BAIAP2L1: variants seen among roughly 807,000 people sequenced by gnomAD.
BAIAP2L1 encodes BAR/IMD domain containing adaptor protein 2 like 1.
A neutral mutation model predicts 66.3 loss-of-function variants in BAIAP2L1; 35 were observed. The ratio of observed to expected loss-of-function variants is 0.53; its 90% CI spans 0.40 to 0.70. BAIAP2L1 has a LOEUF of 0.70. Among genes scored for constraint, BAIAP2L1 ranks in the 30% least tolerant of loss-of-function variants. The pLI, the probability that BAIAP2L1 is intolerant of heterozygous loss-of-function variation, is 0.00. For missense variants in BAIAP2L1, 622 were observed against 656.9 expected, an observed-to-expected ratio of 0.95 and a Z score of 0.58; for synonymous variants, 269 against 248.7, an observed-to-expected ratio of 1.08 and a Z score of -0.77.
At chr7:98,394,971 C>T (rs1362446779) in intron 1 of BAIAP2L1, among the ~76,000 whole-genome samples, 2 of 150,952 alleles carry the variant, frequency 1.3e-5, no homozygotes, top group Admixed American at 6.6e-5. Context: ...AATTAGCCAG[C>T]GTGGTGGCAG....
At chr7:98,338,352 G>T (rs537541059) in intron 3 of BAIAP2L1, among the ~76,000 whole-genome samples, 2 of 149,578 alleles carry the variant, frequency 1.3e-5, no homozygotes, top group Non-Finnish European at 3.0e-5. Flanking sequence ...AACCTGGGAG[G>T]CGGAGCTTGC....
chr7:98,320,315 A>G lies in BAIAP2L1; in HGVS notation c.215-17T>C. On this transcript the variant is annotated splice_polypyrimidine_tract_variant and intron_variant, in intron 3 of 13. Coordinates refer to ENST00000005260, the MANE Select transcript of BAIAP2L1 (RefSeq NM_018842.5). Reference sequence around the variant, plus strand: ...GGACATGTCCTGGGAACAAAACCAGATATGTTAGCGGGAAGCCATTGCGTA... The same window carrying G: ...GGACATGTCCTGGGAACAAAACCAGGTATGTTAGCGGGAAGCCATTGCGTA... The G allele has an allele frequency of 1.9e-6, 3 of 1,569,242 alleles. No homozygotes were observed. Among genetic ancestry groups the G allele is most frequent in the Non-Finnish European group, 2.6e-6 (3 of 1,152,946 alleles).
chr7:98,308,594 G>A (rs888307096), intron 9 of BAIAP2L1: 5 of 287,970 alleles, frequency 1.7e-5, no homozygotes, highest in Non-Finnish European at 3.5e-5. Context: ...CCATGAGCAC[G>A]AGGCTGTGCT....
intron 3 of BAIAP2L1, among the ~76,000 whole-genome samples, chr7:98,325,194 C>A (rs1801350613): frequency 6.6e-6 from 1 of 151,848 alleles, no homozygotes; most frequent in African/African-American, 2.4e-5. Flanking sequence ...ACCAGCCTGG[C>A]CAATATGGTG....
At chr7:98,367,821 G>A (rs572036438) in intron 1 of BAIAP2L1, among the ~76,000 whole-genome samples, 20 of 151,728 alleles carry the variant, frequency 1.3e-4, no homozygotes, top group Admixed American at 1.3e-3. Context: ...ATGGGGTTTC[G>A]CCATGTTGGT....
intron 5 of BAIAP2L1, among the ~76,000 whole-genome samples, chr7:98,319,387 C>G (rs1006752432): frequency 6.6e-6 from 1 of 152,178 alleles, no homozygotes; most frequent in African/African-American, 2.4e-5. Context: ...ACGGTGCTCT[C>G]CCGCACACCA....
intron 6 of BAIAP2L1, among the ~76,000 whole-genome samples, chr7:98,316,832 T>C (rs1263660192): frequency 6.6e-6 from 1 of 152,098 alleles, no homozygotes; most frequent in Non-Finnish European, 1.5e-5. Context: ...GTAACCATCA[T>C]TCTACTCCCC....
intron 12 of BAIAP2L1, among the ~76,000 whole-genome samples, chr7:98,303,769 C>T (rs1800522095): frequency 6.6e-6 from 1 of 152,274 alleles, no homozygotes. Flanking sequence ...TTAAAGATAA[C>T]ATCCACAGTG....
rs552305273 is a variant in BAIAP2L1, at chr7:98,399,610, A to G, written c.51+1192T>C. ...TATACATGAACTTAGAGAACGTTAA[A>G]GTTTCAAGGGTTCGAAGCGCCTAGG... On this transcript the variant is annotated intron_variant, in intron 1 of 13. Coordinates refer to ENST00000005260, the MANE Select transcript of BAIAP2L1 (RefSeq NM_018842.5). 1.8e-4 allele frequency among the ~76,000 whole-genome samples: 28 copies of G among 152,342 alleles called. No homozygotes were observed. The East Asian group carries it at 5.4e-3, about 29-fold the overall frequency.
intron 3 of BAIAP2L1, among the ~76,000 whole-genome samples, chr7:98,342,350 G>A (rs751041991): frequency 1.1e-4 from 17 of 152,110 alleles, no homozygotes; most frequent in South Asian, 2.1e-4. Context: ...CACCCAGGCT[G>A]AGCCACCGTT....
intron 13 of BAIAP2L1, 41 bp downstream of exon 13, chr7:98,294,033 C>T: frequency 6.2e-7 from 1 of 1,606,930 alleles, no homozygotes; most frequent in Non-Finnish European, 8.5e-7. Context: ...CAGGGAAGAG[C>T]AATGTCACAC....
intron 1 of BAIAP2L1, among the ~76,000 whole-genome samples, chr7:98,390,217 G>A (rs1442601021): frequency 2.0e-5 from 3 of 151,646 alleles, no homozygotes; most frequent in South Asian, 4.2e-4. Context: ...GCCCGGTCTC[G>A]GGTTAGTAAA....
At chr7:98,313,106 C>T (rs1022759914) in intron 7 of BAIAP2L1, among the ~76,000 whole-genome samples, 1 of 151,048 alleles carries the variant, frequency 6.6e-6, no homozygotes, top group Non-Finnish European at 1.5e-5. Flanking sequence ...CCCCTCACAC[C>T]ACCCCTGTCC....
intron 1 of BAIAP2L1, among the ~76,000 whole-genome samples, chr7:98,380,986 C>T (rs1275791037): frequency 6.6e-6 from 1 of 152,132 alleles, no homozygotes; most frequent in Non-Finnish European, 1.5e-5. Context: ...ACGCACAGGT[C>T]ATCCCCCGTC....
chr7:98,335,357 A>T (rs1801595325), intron 3 of BAIAP2L1, among the ~76,000 whole-genome samples: 1 of 152,028 alleles, frequency 6.6e-6, no homozygotes, highest in Admixed American at 6.6e-5. Flanking sequence ...CATAGGTGGG[A>T]TCATCTCTTC....
chr7:98,320,084 T>G lies in BAIAP2L1; in HGVS notation c.322A>C (p.Ile108Leu). The G allele has an allele frequency of 6.2e-7, 1 of 1,613,764 alleles. No homozygotes were observed. Among genetic ancestry groups the G allele is most frequent in the Non-Finnish European group, 8.5e-7 (1 of 1,179,746 alleles). Residue 108 changes from isoleucine (I) to leucine (L), a missense_variant, in exon 5 of 14, where the codon ATA becomes CTA. Ile to Leu is a conservative substitution (Grantham distance 5). Transcript: ENST00000005260. ...KEIIHELEKK[I>L]ELDVKYMNAT... ...TTCATATATTTCACGTCAAGTTCTA[T>G]CTTCTTCTCCAGCTCATGGATAATC...
At chr7:98,310,140 C>T (rs983134268) in intron 9 of BAIAP2L1, 17 of 259,636 alleles carry the variant, frequency 6.5e-5, no homozygotes, top group Admixed American at 3.0e-4. Context: ...CGTGAGCCAC[C>T]GCGCCTGGCC....
At chr7:98,311,776 C>G (rs1254806095) in intron 8 of BAIAP2L1, among the ~76,000 whole-genome samples, 2 of 151,862 alleles carry the variant, frequency 1.3e-5, no homozygotes, top group Admixed American at 1.3e-4. Context: ...CATGGTGGTG[C>G]GCCCCAGTAA....
chr7:98,376,948 A>C (rs1376910270), intron 1 of BAIAP2L1, among the ~76,000 whole-genome samples: 1 of 152,190 alleles, frequency 6.6e-6, no homozygotes, highest in Non-Finnish European at 1.5e-5. Flanking sequence ...TTTAAAGTTG[A>C]CTTTAAATAA....
Sources: gnomAD v4.1 joint callset for allele counts (sites outside exome capture counted in the v4.1 genomes callset) on GRCh38, gnomAD v4.1.1 for gene constraint, MANE v1.5 for transcripts, NCBI Gene and HGNC (gene_info 2026-07-23, HGNC 2026-07-21) for gene names.